The following FAT3 variants were observed in gnomAD, a reference collection of about 807,000 sequenced individuals.
The protein encoded by FAT3 is protocadherin Fat 3.
A neutral mutation model predicts 310.2 loss-of-function variants in FAT3; 95 were observed. The ratio of observed to expected loss-of-function variants is 0.31; its 90% CI spans 0.26 to 0.36. The LOEUF is 0.36. Among genes scored for constraint, FAT3 ranks in the 10% least tolerant of loss-of-function variants. The pLI, the probability that FAT3 is intolerant of heterozygous loss-of-function variation, is 1.00. For synonymous variants in FAT3, 2,314 were observed against 2,192.9 expected (o/e 1.06, Z -1.54); for missense variants, 5,408 against 5,715.6 (o/e 0.95, Z 1.74).
At chr11:92,402,656 T>C (rs1193102742) in intron 2 of FAT3, among the ~76,000 whole-genome samples, 1 of 150,644 alleles carries the variant, frequency 6.6e-6, no homozygotes, top group Non-Finnish European at 1.5e-5. Flanking sequence ...TCACTTGACC[T>C]GGGAGGTTGA....
At chr11:92,312,461 G>A (rs1296193867) in intron 1 of FAT3, among the ~76,000 whole-genome samples, 2 of 152,260 alleles carry the variant, frequency 1.3e-5, no homozygotes, top group Non-Finnish European at 2.9e-5. Flanking sequence ...GCCTCTGAAA[G>A]TAGATGAATC....
intron 13 of FAT3, among the ~76,000 whole-genome samples, chr11:92,819,633 A>G (rs1316959426): frequency 6.6e-6 from 1 of 152,186 alleles, no homozygotes; most frequent in Non-Finnish European, 1.5e-5. Context: ...TTACAAATAA[A>G]ATAGTTTTGT....
intron 2 of FAT3, among the ~76,000 whole-genome samples, chr11:92,455,116 T>C (rs905951490): frequency 1.3e-5 from 2 of 152,168 alleles, no homozygotes; most frequent in Non-Finnish European, 2.9e-5. Flanking sequence ...ACCAACCACT[T>C]TGCAAGAATG....
At chr11:92,597,743 G>A (rs1020663384) in intron 3 of FAT3, among the ~76,000 whole-genome samples, 1 of 152,152 alleles carries the variant, frequency 6.6e-6, no homozygotes, top group South Asian at 2.1e-4. Flanking sequence ...TTATAACTAA[G>A]TTCAACATCC....
At position 92,598,215 on chromosome 11, in the gene FAT3, C is replaced by CACATAT. The variant is rs565291387; in HGVS notation, c.3607+73268_3607+73269insCATATA. On this transcript the variant is annotated intron_variant, in intron 3 of 27. Coordinates refer to ENST00000525166, the MANE Select transcript of FAT3 (RefSeq NM_001367949.2). ...TCATGTATATAAATATATATGTATA[C>CACATAT]ATATATATATATATATTTTTTTTTT... 2.1e-4 allele frequency among the ~76,000 whole-genome samples: 29 copies of CACATAT among 136,440 alleles called. No individual in the cohort carries two copies. In the East Asian group the frequency reaches 4.8e-3, roughly 23 times the overall value. 89.5% of individuals were successfully genotyped at this position (136,440 alleles called of 152,430 possible). A position where few individuals can be genotyped will look rare whatever the true frequency, so the allele number is the denominator to read the frequency against.
chr11:92,835,042 G>A lies in FAT3; in HGVS notation c.10044G>A (p.Ala3348=), dbSNP rs370318087. 4.9e-5 allele frequency: 79 copies of A among 1,613,538 alleles called. No individual in the cohort carries two copies. The African/African-American group carries it at 5.1e-4, about 10-fold the overall frequency. Residue 3348 remains alanine, a synonymous_variant, in exon 15 of 28, where the codon GCG becomes GCA. Transcript: ENST00000525166. ...PPKFSQDVYS[A]VISEDALVGD... ...AGTTCAGCCAAGACGTCTACAGTGC[G>A]GTTATCAGTGAAGACGCCTTGGTGG...
At chr11:92,543,025 C>T (rs1954501780) in intron 3 of FAT3, among the ~76,000 whole-genome samples, 1 of 152,020 alleles carries the variant, frequency 6.6e-6, no homozygotes, top group Non-Finnish European at 1.5e-5. Flanking sequence ...TCATTTGCAG[C>T]AACGTGGATG....
intron 1 of FAT3, among the ~76,000 whole-genome samples, chr11:92,260,490 G>A (rs1865504056): frequency 6.6e-6 from 1 of 151,948 alleles, no homozygotes; most frequent in African/African-American, 2.4e-5. Context: ...GTTGAATTTT[G>A]CTGACAATTT....
Position 92,512,502 on chromosome 11 carries a change from CAA to C in FAT3, c.3293-12124_3293-12123del, listed in dbSNP as rs995985569. The stretch of plus-strand genomic sequence containing the variant: ...GCTAAAACTGCCCTGTTTTATATCT[CAA>C]AAAAAAATATATATAAATATATATA... On this transcript the variant is annotated intron_variant, in intron 2 of 27. Transcript: ENST00000525166. Among the ~76,000 whole-genome samples, 5 of 141,188 alleles carry C rather than the reference CAA, an allele frequency of 3.5e-5. No individual in the cohort carries two copies. The East Asian group carries it at 8.0e-4, about 23-fold the overall frequency. The allele number at this position is 141,188 out of a possible 152,430, so 92.6% of individuals were successfully genotyped here. A position where few individuals can be genotyped will look rare whatever the true frequency, so the allele number is the denominator to read the frequency against.
chr11:92,532,596 G>C (rs1954118979), intron 3 of FAT3, among the ~76,000 whole-genome samples: 2 of 152,126 alleles, frequency 1.3e-5, no homozygotes, highest in South Asian at 4.1e-4. Flanking sequence ...ACTTCAAACA[G>C]AATACATGTG....
intron 3 of FAT3, among the ~76,000 whole-genome samples, chr11:92,569,612 C>T (rs1310027520): frequency 3.9e-5 from 6 of 152,190 alleles, no homozygotes; most frequent in African/African-American, 1.4e-4. Context: ...AGCAGAAACA[C>T]TGGCACTCAT....
At chr11:92,363,908 G>T (rs2134684527) in intron 2 of FAT3, among the ~76,000 whole-genome samples, 1 of 152,234 alleles carries the variant, frequency 6.6e-6, no homozygotes, top group Non-Finnish European at 1.5e-5. Context: ...TGGGAGAAAG[G>T]ATTAGAAGCT....
chr11:92,845,419 G>A (rs551379752), intron 19 of FAT3, among the ~76,000 whole-genome samples: 6 of 152,296 alleles, frequency 3.9e-5, no homozygotes, highest in African/African-American at 7.2e-5. Context: ...CAAGGGTAAG[G>A]GCAGTTCGAT....
intron 3 of FAT3, among the ~76,000 whole-genome samples, chr11:92,583,416 T>G (rs950418029): frequency 6.6e-6 from 1 of 152,158 alleles, no homozygotes; most frequent in South Asian, 2.1e-4. Flanking sequence ...AGAAAATGGA[T>G]CTGTAGCCTC....
Position 92,844,529 on chromosome 11 carries a change from A to G in FAT3, c.11162A>G (p.Lys3721Arg). The G allele has an allele frequency of 6.2e-7, 1 of 1,614,036 alleles. No individual in the cohort carries two copies. Among genetic ancestry groups the G allele is most frequent in the African/African-American group, 1.3e-5 (1 of 75,072 alleles). Residue 3721 changes from lysine to arginine, a missense_variant, in exon 19 of 28, where the codon AAG becomes AGG. Coordinates refer to ENST00000525166, the MANE Select transcript of FAT3 (RefSeq NM_001367949.2). ...TACAAGCCAGCCTACCTGATCCAGA[A>G]GCTGTCCAATGCTAGAAGACACCTG... ...EFYKPAYLIQ[K>R]LSNARRHLEN...
intron 1 of FAT3, among the ~76,000 whole-genome samples, chr11:92,306,757 A>G (rs1166896944): frequency 7.7e-6 from 1 of 129,230 alleles, no homozygotes; most frequent in Non-Finnish European, 1.6e-5. Flanking sequence ...ATATATAAAT[A>G]TATATATAAA....
intron 1 of FAT3, among the ~76,000 whole-genome samples, chr11:92,241,319 G>C (rs1864662962): frequency 6.6e-6 from 1 of 152,032 alleles, no homozygotes; most frequent in Non-Finnish European, 1.5e-5. Flanking sequence ...TTGCTTCTTA[G>C]CATTGCAGGC....
intron 3 of FAT3, among the ~76,000 whole-genome samples, chr11:92,532,443 T>G (rs1954114986): frequency 6.6e-6 from 1 of 152,198 alleles, no homozygotes; most frequent in Non-Finnish European, 1.5e-5. Flanking sequence ...ACCCGCCTTT[T>G]GTTACAAGTT....
chr11:92,341,048 G>A (rs534893814), intron 1 of FAT3, among the ~76,000 whole-genome samples: 25 of 152,262 alleles, frequency 1.6e-4, no homozygotes, highest in East Asian at 3.9e-4. Flanking sequence ...AGGGCTGGGC[G>A]ATGTCACATC....
Sources: allele counts gnomAD v4.1 joint callset (sites outside exome capture counted in the v4.1 genomes callset), GRCh38; gene constraint gnomAD v4.1.1; transcripts MANE v1.5; gene names NCBI Gene and HGNC (gene_info 2026-07-23, HGNC 2026-07-21).